CABLES1: variants seen among roughly 807,000 people sequenced by gnomAD.
The protein encoded by CABLES1 is CDK5 and ABL1 enzyme substrate 1.
A neutral mutation model predicts 57.8 loss-of-function variants in CABLES1; 36 were observed. That is an observed-to-expected ratio of 0.62 (90% CI 0.48 to 0.82). CABLES1 has a LOEUF of 0.82. CABLES1 is among the 40% of genes least tolerant of loss of function. The pLI is 0.00. For missense variants in CABLES1, 767 were observed against 836.6 expected, an observed-to-expected ratio of 0.92 and a Z score of 1.03; for synonymous variants, 374 against 363.0, an observed-to-expected ratio of 1.03 and a Z score of -0.35.
rs1011339130 is a variant in CABLES1 at position 23,174,860 on chromosome 18, A to G, written c.846-13978A>G. On this transcript the variant is annotated intron_variant, in intron 1 of 9. Transcript: ENST00000256925. Reference sequence around the variant, plus strand: ...TATATATATATATATATATATATATATGTTTTTTAAACTGCAGTAAAATAA... The same window carrying G: ...TATATATATATATATATATATATATGTGTTTTTTAAACTGCAGTAAAATAA... Among the ~76,000 whole-genome samples, 31 of 113,566 alleles carry G rather than the reference A, an allele frequency of 2.7e-4. No individual in the cohort carries two copies. In the South Asian group the frequency reaches 6.4e-3, roughly 23 times the overall value. 74.5% of individuals were successfully genotyped at this position (113,566 alleles called of 152,430 possible).
In CABLES1 at chr18:23,253,757, CAGG is replaced by C. The variant is rs1333257942; in HGVS notation, c.1587_1589del (p.Glu529del). On this transcript the variant is annotated inframe_deletion, in exon 9 of 10. Coordinates refer to ENST00000256925, the MANE Select transcript of CABLES1 (RefSeq NM_001100619.3). ...GAAACGAGAGATGCGGAAGCTTGCG[CAGG>C]AGGACTGTGGCCTTGAGGAGCCCAC... 1.2e-6 allele frequency: 2 copies of C among 1,614,080 alleles called. No homozygotes were observed. The highest frequency in any genetic ancestry group is 2.7e-5 in the African/African-American group (2 of 74,930).
intron 1 of CABLES1, among the ~76,000 whole-genome samples, chr18:23,183,001 A>G (rs904646189): frequency 1.2e-4 from 19 of 152,204 alleles, no homozygotes; most frequent in African/African-American, 4.6e-4. Flanking sequence ...TTTGCCTCTC[A>G]CTTTCCGGGG....
At chr18:23,151,312 C>T (rs573746263) in intron 1 of CABLES1, among the ~76,000 whole-genome samples, 3 of 152,302 alleles carry the variant, frequency 2.0e-5, no homozygotes, top group Non-Finnish European at 2.9e-5. Context: ...GCCACTGTGC[C>T]GGGCCTCCCT....
At chr18:23,178,431 C>T (rs1331935526) in intron 1 of CABLES1, among the ~76,000 whole-genome samples, 1 of 150,524 alleles carries the variant, frequency 6.6e-6, no homozygotes, top group Non-Finnish European at 1.5e-5. Flanking sequence ...GGCTGGCCGC[C>T]TGATGTCCTG....
intron 7 of CABLES1, among the ~76,000 whole-genome samples, chr18:23,240,343 T>G (rs975581910): frequency 6.6e-6 from 1 of 152,070 alleles, no homozygotes; most frequent in Non-Finnish European, 1.5e-5. Context: ...ACTGTAGAAG[T>G]CGTTGCCCTT....
intron 3 of CABLES1, among the ~76,000 whole-genome samples, chr18:23,201,494 C>T (rs971424028): frequency 8.5e-5 from 13 of 152,126 alleles, no homozygotes; most frequent in African/African-American, 3.1e-4. Context: ...GAGCCAATCA[C>T]GAAAGGTCAA....
chr18:23,250,148 A>G (rs759000350), intron 7 of CABLES1, among the ~76,000 whole-genome samples: 1 of 152,208 alleles, frequency 6.6e-6, no homozygotes, highest in Non-Finnish European at 1.5e-5. Context: ...AGGCACTTCA[A>G]CAGAACCCAG....
chr18:23,245,806 A>G (rs2047861945), intron 7 of CABLES1, among the ~76,000 whole-genome samples: 1 of 152,266 alleles, frequency 6.6e-6, no homozygotes, highest in Admixed American at 6.5e-5. Flanking sequence ...TCGACAGTGC[A>G]TTCAAGTGAC....
At chr18:23,212,103 CAGCTGT>C (rs1478941534) in intron 3 of CABLES1, among the ~76,000 whole-genome samples, 3 of 152,262 alleles carry the variant, frequency 2.0e-5, no homozygotes, top group African/African-American at 7.2e-5. Flanking sequence ...TGGGGTCTTT[CAGCTGT>C]CCTGGCAGCA....
chr18:23,135,728 C>A lies in CABLES1; in HGVS notation c.-35C>A. The A allele has an allele frequency of 1.0e-6, 1 of 986,638 alleles. No homozygotes were observed. The highest frequency in any genetic ancestry group is 1.2e-6 in the Non-Finnish European group (1 of 832,328). The allele number at this position is 986,638 out of a possible 1,614,324, so 61.1% of individuals were successfully genotyped here. On this transcript the variant is annotated 5_prime_UTR_variant, in exon 1 of 10. Coordinates refer to ENST00000256925, the MANE Select transcript of CABLES1 (RefSeq NM_001100619.3). ...AGCGCTCGGGCGCCGCTCGCTTCTC[C>A]GGGCATCGCGGAAATCCCGCCGCAG...
At chr18:23,225,828 T>C (rs370442778) in intron 4 of CABLES1, among the ~76,000 whole-genome samples, 3 of 152,234 alleles carry the variant, frequency 2.0e-5, no homozygotes, top group East Asian at 3.8e-4. Flanking sequence ...TTCTCAACTT[T>C]CCTAAATAGG....
At chr18:23,170,590 G>A (rs2047075366) in intron 1 of CABLES1, among the ~76,000 whole-genome samples, 1 of 152,194 alleles carries the variant, frequency 6.6e-6, no homozygotes. Flanking sequence ...ATGAACCCAG[G>A]AAAATGGGCT....
intron 1 of CABLES1, among the ~76,000 whole-genome samples, chr18:23,144,898 G>A (rs904313409): frequency 5.3e-5 from 8 of 151,726 alleles, no homozygotes; most frequent in Middle Eastern, 3.5e-3. Flanking sequence ...ATCAGCATGT[G>A]CACCTAAGGC....
intron 1 of CABLES1, among the ~76,000 whole-genome samples, chr18:23,168,998 A>G (rs2047062846): frequency 1.3e-5 from 2 of 152,350 alleles, no homozygotes; most frequent in South Asian, 4.1e-4. Flanking sequence ...GGAGGTCAGC[A>G]CAAGACACAG....
At chr18:23,143,954 G>A (rs910961260) in intron 1 of CABLES1, among the ~76,000 whole-genome samples, 3 of 152,260 alleles carry the variant, frequency 2.0e-5, no homozygotes, top group South Asian at 4.1e-4. Context: ...AACCTCCCCC[G>A]CTCCCACACA....
chr18:23,216,436 A>G (rs1568071683), intron 4 of CABLES1, among the ~76,000 whole-genome samples: 1 of 152,174 alleles, frequency 6.6e-6, no homozygotes, highest in East Asian at 1.9e-4. Context: ...TCTGCCTCCC[A>G]GAGGTTAACT....
At chr18:23,223,094 C>T (rs2047501214) in intron 4 of CABLES1, among the ~76,000 whole-genome samples, 1 of 152,214 alleles carries the variant, frequency 6.6e-6, no homozygotes, top group Admixed American at 6.5e-5. Flanking sequence ...TAGATAAGGT[C>T]ACACTGGCTT....
chr18:23,174,309 A>G lies in CABLES1; in HGVS notation c.846-14529A>G, dbSNP rs145228088. ...CTTCGTTCCTTCTCATGGCAGAATA[A>G]TACTGCATTTCATTCATTCATCACA... is the stretch of plus-strand genomic sequence containing the variant. On this transcript the variant is annotated intron_variant, in intron 1 of 9. Transcript: ENST00000256925. 8.0e-3 allele frequency among the ~76,000 whole-genome samples: 1,214 copies of G among 152,298 alleles called. 13 individuals carry two copies. Among genetic ancestry groups the G allele is most frequent in the African/African-American group, 0.026 (1,089 of 41,542 alleles).
intron 4 of CABLES1, among the ~76,000 whole-genome samples, chr18:23,226,769 G>T (rs778922301): frequency 6.6e-6 from 1 of 152,170 alleles, no homozygotes; most frequent in Non-Finnish European, 1.5e-5. Context: ...TTTACTTCCT[G>T]AGATCTGGAT....
Sources: gnomAD v4.1 joint callset for allele counts (sites outside exome capture counted in the v4.1 genomes callset) on GRCh38, gnomAD v4.1.1 for gene constraint, MANE v1.5 for transcripts, NCBI Gene and HGNC (gene_info 2026-07-23, HGNC 2026-07-21) for gene names.